The following FOXP2 variants were observed in gnomAD, a reference collection of about 807,000 sequenced individuals.
FOXP2 encodes forkhead box P2, also known as forkhead box protein P2.
A neutral mutation model predicts 115.8 loss-of-function variants in FOXP2; 12 were observed. The observed-to-expected ratio is 0.10, with a 90% CI of 0.07 to 0.17. The LOEUF is 0.17. Among genes scored for constraint, FOXP2 ranks in the 10% least tolerant of loss-of-function variants. The pLI is 1.00. For missense variants in FOXP2, 629 were observed against 843.5 expected, an observed-to-expected ratio of 0.75 and a Z score of 3.15; for synonymous variants, 328 against 297.7, an observed-to-expected ratio of 1.10 and a Z score of -1.05.
At chr7:114,144,794 A>C (rs1407979151) in intron 1 of FOXP2, among the ~76,000 whole-genome samples, 1 of 152,120 alleles carries the variant, frequency 6.6e-6, no homozygotes, top group Non-Finnish European at 1.5e-5. Flanking sequence ...GCAGCAAAAT[A>C]TTAGGTTATT....
At chr7:114,520,586 G>A (rs1485512459) in intron 2 of FOXP2, among the ~76,000 whole-genome samples, 1 of 152,038 alleles carries the variant, frequency 6.6e-6, no homozygotes, top group East Asian at 1.9e-4. Flanking sequence ...AAATGAATGA[G>A]TGAAATATCT....
intron 2 of FOXP2, among the ~76,000 whole-genome samples, chr7:114,288,360 A>C (rs1375984150): frequency 1.3e-5 from 2 of 151,852 alleles, no homozygotes; most frequent in Admixed American, 1.3e-4. Context: ...ACCAGTATAC[A>C]CTTATGGGGA....
chr7:114,559,133 T>A (rs966961268), intron 3 of FOXP2, among the ~76,000 whole-genome samples: 1 of 152,198 alleles, frequency 6.6e-6, no homozygotes, highest in African/African-American at 2.4e-5. Context: ...ATATCTCATG[T>A]CAGAAGCACC....
intron 2 of FOXP2, among the ~76,000 whole-genome samples, chr7:114,531,364 T>C (rs903909468): frequency 5.3e-5 from 8 of 151,912 alleles, no homozygotes; most frequent in African/African-American, 1.7e-4. Context: ...ATGGAAGTGT[T>C]TTATCTAATA....
exon 1 of FOXP2, chr7:114,087,750 T>G (rs1400840434): frequency 6.6e-6 from 1 of 151,742 alleles, no homozygotes; most frequent in Non-Finnish European, 1.5e-5. Flanking sequence ...GACCTCAGTG[T>G]GGACCCTCAC....
chr7:114,301,599 A>C (rs919931203), intron 2 of FOXP2, among the ~76,000 whole-genome samples: 2 of 152,132 alleles, frequency 1.3e-5, no homozygotes, highest in Admixed American at 6.6e-5. Context: ...AAGTGTGTTT[A>C]TCTCTCTGAA....
chr7:114,374,158 T>C (rs773842327), intron 2 of FOXP2, among the ~76,000 whole-genome samples: 1 of 152,214 alleles, frequency 6.6e-6, no homozygotes, highest in Non-Finnish European at 1.5e-5. Flanking sequence ...AGGCAAATTT[T>C]GATTACAACA....
intron 2 of FOXP2, among the ~76,000 whole-genome samples, chr7:114,471,227 TTTA>T (rs1309848559): frequency 6.6e-6 from 1 of 152,218 alleles, no homozygotes; most frequent in Non-Finnish European, 1.5e-5. Context: ...ATAATTGAAA[TTTA>T]TTATTGTCAT....
chr7:114,201,314 C>T (rs577293179), intron 1 of FOXP2, among the ~76,000 whole-genome samples: 63 of 151,792 alleles, frequency 4.2e-4, no homozygotes, highest in African/African-American at 1.3e-3. Context: ...CTACAAAAAA[C>T]GAAAAATTAG....
intron 3 of FOXP2, among the ~76,000 whole-genome samples, chr7:114,593,491 T>C (rs1563021594): frequency 1.3e-5 from 2 of 152,088 alleles, no homozygotes; most frequent in African/African-American, 4.8e-5. Context: ...CTTCTTTTTC[T>C]ATCAACGCTT....
At chr7:114,450,929 G>A (rs1022977230) in intron 2 of FOXP2, among the ~76,000 whole-genome samples, 1 of 151,726 alleles carries the variant, frequency 6.6e-6, no homozygotes, top group Non-Finnish European at 1.5e-5. Flanking sequence ...AACACAAGTT[G>A]GTTTAATTTT....
At chr7:114,510,233 T>C (rs919804426) in intron 2 of FOXP2, among the ~76,000 whole-genome samples, 3 of 152,166 alleles carry the variant, frequency 2.0e-5, no homozygotes, top group African/African-American at 7.2e-5. Flanking sequence ...TCAGTGTAAT[T>C]GAGCTGTCCT....
intron 1 of FOXP2, among the ~76,000 whole-genome samples, chr7:114,120,496 G>GT (rs1294506393): frequency 2.6e-5 from 4 of 152,082 alleles, no homozygotes; most frequent in African/African-American, 9.7e-5. Flanking sequence ...AGGGAGATCA[G>GT]TTTTGAAGCT....
chr7:114,681,141 AT>A (rs1808064410), intron 16 of FOXP2, among the ~76,000 whole-genome samples: 1 of 152,180 alleles, frequency 6.6e-6, no homozygotes, highest in Non-Finnish European at 1.5e-5. Flanking sequence ...TTTGATAGAT[AT>A]TAAAAGCCTC....
chr7:114,664,479 T>C, intron 16 of FOXP2, 43 bp downstream of exon 16: 1 of 1,606,802 alleles, frequency 6.2e-7, no homozygotes. Flanking sequence ...GAATCTATAT[T>C]AATATGCTTC....
chr7:114,545,970 C>G (rs1356198360), intron 3 of FOXP2, among the ~76,000 whole-genome samples: 1 of 152,174 alleles, frequency 6.6e-6, no homozygotes, highest in Non-Finnish European at 1.5e-5. Context: ...ATGTATCACA[C>G]CGAATCATAA....
Position 114,631,513 on chromosome 7 carries a change from GT to G in FOXP2, c.598-11del. On this transcript the variant is annotated splice_polypyrimidine_tract_variant and intron_variant, in intron 5 of 16. Transcript: ENST00000350908. ...TGTTCTCTGCTGTTTACTGGTTTGGGTTTTCTGATACCAGCAGCAGCAGCAG... is the reference window on the plus strand; with the variant it reads ...TGTTCTCTGCTGTTTACTGGTTTGGGTTTCTGATACCAGCAGCAGCAGCAG... 1 of 1,556,520 alleles carries G rather than the reference GT, an allele frequency of 6.4e-7. No individual in the cohort carries two copies. The highest frequency in any genetic ancestry group is 8.7e-7 in the Non-Finnish European group (1 of 1,149,638).
intron 2 of FOXP2, among the ~76,000 whole-genome samples, chr7:114,461,182 A>G (rs1444014900): frequency 6.6e-6 from 1 of 152,224 alleles, no homozygotes; most frequent in Non-Finnish European, 1.5e-5. Context: ...TGATGATTTC[A>G]TTAGCTTAAA....
intron 5 of FOXP2, chr7:114,630,521 C>G (rs1804844633): frequency 5.7e-6 from 1 of 174,948 alleles, no homozygotes; most frequent in Non-Finnish European, 1.2e-5. Context: ...GACAAGCGGG[C>G]TTCTCAGGCC....
Sources: allele counts gnomAD v4.1 joint callset (sites outside exome capture counted in the v4.1 genomes callset), GRCh38; gene constraint gnomAD v4.1.1; transcripts MANE v1.5; gene names NCBI Gene and HGNC (gene_info 2026-07-23, HGNC 2026-07-21).